The following SYT17 variants were observed in gnomAD, a reference collection of about 807,000 sequenced individuals.
The protein encoded by SYT17 is synaptotagmin-17.
A neutral mutation model predicts 46.7 loss-of-function variants in SYT17; 22 were observed. The observed-to-expected ratio is 0.47, with a 90% confidence interval of 0.34 to 0.67. SYT17 has a LOEUF of 0.67. Among genes scored for constraint, SYT17 ranks in the 30% least tolerant of loss-of-function variants. The pLI is 0.01. For synonymous variants in SYT17, 251 were observed against 248.4 expected (o/e 1.01, Z -0.10); for missense variants, 519 against 612.8 (o/e 0.85, Z 1.62).
chr16:19,249,506 T>C (rs1010355091), intron 7 of SYT17, among the ~76,000 whole-genome samples: 3 of 152,270 alleles, frequency 2.0e-5, no homozygotes, highest in African/African-American at 7.2e-5. Flanking sequence ...ATTAGATACT[T>C]GGAAATGGAT....
chr16:19,196,073 G>A (rs901322488), intron 5 of SYT17, among the ~76,000 whole-genome samples: 3 of 152,042 alleles, frequency 2.0e-5, no homozygotes, highest in Non-Finnish European at 2.9e-5. Context: ...TGGGAACCCA[G>A]GTGCCAGAAG....
intron 5 of SYT17, among the ~76,000 whole-genome samples, chr16:19,190,799 TG>T (rs1964985713): frequency 7.1e-6 from 1 of 140,484 alleles, no homozygotes. Flanking sequence ...TGTGTGTGTG[TG>T]TGTGTGTGTC....
intron 5 of SYT17, among the ~76,000 whole-genome samples, chr16:19,200,403 A>C (rs1965415497): frequency 2.0e-5 from 3 of 152,268 alleles, no homozygotes; most frequent in South Asian, 2.1e-4. Flanking sequence ...TCAAAGTAAA[A>C]TATTATTGAT....
intron 7 of SYT17, among the ~76,000 whole-genome samples, chr16:19,247,491 G>A (rs1046221276): frequency 6.6e-6 from 1 of 152,158 alleles, no homozygotes; most frequent in Non-Finnish European, 1.5e-5. Flanking sequence ...GGCCTCCCAA[G>A]GTGCTGCTGG....
intron 7 of SYT17, among the ~76,000 whole-genome samples, chr16:19,233,186 A>G (rs1248977474): frequency 6.6e-6 from 1 of 152,194 alleles, no homozygotes; most frequent in African/African-American, 2.4e-5. Flanking sequence ...TCTGTGTTCC[A>G]TAATTGCTTG....
chr16:19,255,528 T>C (rs1321537470), intron 7 of SYT17, among the ~76,000 whole-genome samples: 1 of 152,118 alleles, frequency 6.6e-6, no homozygotes, highest in African/African-American at 2.4e-5. Context: ...GGCTCACACC[T>C]GTAATCCAAC....
intron 7 of SYT17, among the ~76,000 whole-genome samples, chr16:19,264,715 C>T (rs940520249): frequency 1.3e-5 from 2 of 152,054 alleles, no homozygotes; most frequent in Non-Finnish European, 2.9e-5. Flanking sequence ...CCTCAGCCTC[C>T]TGAGTAGCTG....
chr16:19,184,229 G>C (rs1249565629), intron 5 of SYT17, 82 bp downstream of exon 5: 17 of 1,485,662 alleles, frequency 1.1e-5, no homozygotes, highest in Non-Finnish European at 1.4e-5. Context: ...TGTTTAAAAG[G>C]CTTTTTTGGA....
chr16:19,225,723 T>C (rs1596981884), intron 7 of SYT17, among the ~76,000 whole-genome samples: 5 of 152,348 alleles, frequency 3.3e-5, no homozygotes, highest in Admixed American at 3.3e-4. Flanking sequence ...CTCAGTTCCT[T>C]CCTGGTTGTT....
intron 5 of SYT17, among the ~76,000 whole-genome samples, chr16:19,202,215 C>T (rs1965494346): frequency 6.6e-6 from 1 of 152,182 alleles, no homozygotes; most frequent in South Asian, 2.1e-4. Context: ...CCCCAGGGTG[C>T]CACCTGTACC....
chr16:19,213,254 G>A (rs565477351), intron 5 of SYT17, among the ~76,000 whole-genome samples: 1 of 152,308 alleles, frequency 6.6e-6, no homozygotes, highest in East Asian at 1.9e-4. Flanking sequence ...TATCCCTAAC[G>A]TAGCTTGTCC....
At position 19,168,704 on chromosome 16, in the gene SYT17, G is replaced by A. The variant is rs1188322837; in HGVS notation, c.15+43G>A. Reference sequence around the variant, plus strand: ...GGCAAGGTCCGGGGTGCGGGTAGGGGGTGCCGCGCCCCCTCCGGCTGGGAG... The same window carrying A: ...GGCAAGGTCCGGGGTGCGGGTAGGGAGTGCCGCGCCCCCTCCGGCTGGGAG... On this transcript the variant is annotated intron_variant, in intron 1 of 7. Coordinates refer to ENST00000355377, the MANE Select transcript of SYT17 (RefSeq NM_016524.4). The surrounding 1 kb of genome is among the most constrained non-coding windows in gnomAD (Gnocchi z 6.9). 1.4e-5 allele frequency: 20 copies of A among 1,447,976 alleles called. No homozygotes were observed. The highest frequency in any genetic ancestry group is 1.8e-5 in the Non-Finnish European group (20 of 1,096,234). The allele number at this position is 1,447,976 out of a possible 1,614,324, so 89.7% of individuals were successfully genotyped here.
intron 5 of SYT17, among the ~76,000 whole-genome samples, chr16:19,203,576 C>T (rs944408985): frequency 5.9e-5 from 9 of 152,318 alleles, no homozygotes; most frequent in African/African-American, 1.9e-4. Flanking sequence ...GCCCATATGT[C>T]GGCTCTGGCT....
At chr16:19,232,330 C>T (rs1596991487) in intron 7 of SYT17, among the ~76,000 whole-genome samples, 1 of 152,186 alleles carries the variant, frequency 6.6e-6, no homozygotes, top group African/African-American at 2.4e-5. Context: ...TCTATTTTCA[C>T]ATGCATCTGC....
chr16:19,248,778 C>T (rs1431357757), intron 7 of SYT17, among the ~76,000 whole-genome samples: 7 of 151,540 alleles, frequency 4.6e-5, no homozygotes, highest in Middle Eastern at 3.5e-3. Flanking sequence ...GCTGAGATCG[C>T]GCCACTGGAC....
chr16:19,224,534 C>A, intron 6 of SYT17, 149 bp from the exon 7 acceptor site: 1 of 792,712 alleles, frequency 1.3e-6, no homozygotes, highest in Non-Finnish European at 2.0e-6. Context: ...AATGGACGGA[C>A]TATGAGATGA....
At position 19,183,990 on chromosome 16, in the gene SYT17, C is replaced by G; in HGVS notation, c.794C>G (p.Pro265Arg). 6.2e-7 allele frequency: 1 copy of G among 1,614,132 alleles called. No homozygotes were observed. The highest frequency in any genetic ancestry group is 8.5e-7 in the Non-Finnish European group (1 of 1,180,030). Reference sequence around the variant, plus strand: ...GAGGAGCGCTACACCTTCGAGATCCCCTTCCTGGAGGCCCAGAGGAGGACC... The same window carrying G: ...GAGGAGCGCTACACCTTCGAGATCCGCTTCCTGGAGGCCCAGAGGAGGACC... ...VFEERYTFEI[P>R]FLEAQRRTLL... The change falls in exon 5 of 8, where the codon CCC (proline) becomes CGC (arginine). Residue 265 changes from proline to arginine, a missense_variant. Pro to Arg is a moderately radical substitution (Grantham distance 103, BLOSUM62 -2). Transcript: ENST00000355377. This position sits in a 1 kb window ranked among gnomAD's most constrained non-coding sequence, Gnocchi z 5.6.
chr16:19,169,422 A>G (rs1013101254), intron 1 of SYT17, among the ~76,000 whole-genome samples: 8 of 152,240 alleles, frequency 5.3e-5, no homozygotes, highest in Non-Finnish European at 8.8e-5. Context: ...TCAAGCAGGC[A>G]GACCCGCAGT....
chr16:19,253,007 G>C (rs1166886775), intron 7 of SYT17, among the ~76,000 whole-genome samples: 2 of 152,190 alleles, frequency 1.3e-5, no homozygotes, highest in East Asian at 1.9e-4. Flanking sequence ...ATTTCTAACA[G>C]GTTTCCAGGT....
Sources: gnomAD v4.1 joint callset for allele counts (sites outside exome capture counted in the v4.1 genomes callset) on GRCh38, gnomAD v4.1.1 for gene constraint, Gnocchi (gnomAD v3.1) non-coding constraint, MANE v1.5 for transcripts, NCBI Gene and HGNC (gene_info 2026-07-23, HGNC 2026-07-21) for gene names.